TNFRSF21: variants seen among roughly 807,000 people sequenced by gnomAD.
TNFRSF21 encodes TNF receptor superfamily member 21, also known as tumor necrosis factor receptor superfamily member 21.
A neutral mutation model predicts 45.6 loss-of-function variants in TNFRSF21; 19 were observed. The ratio of observed to expected loss-of-function variants is 0.42; its 90% CI spans 0.29 to 0.61. The LOEUF (loss-of-function observed/expected upper bound fraction) is 0.61, where lower values mean the gene tolerates loss of function less well. TNFRSF21 is among the 20% of genes least tolerant of loss of function. The pLI is 0.23. For synonymous variants in TNFRSF21, 314 were observed against 335.5 expected, an observed-to-expected ratio of 0.94 and a Z score of 0.70; for missense variants, 737 against 851.5, an observed-to-expected ratio of 0.87 and a Z score of 1.67.
At chr6:47,305,426 G>C (rs1319983794) in intron 1 of TNFRSF21, among the ~76,000 whole-genome samples, 1 of 152,078 alleles carries the variant, frequency 6.6e-6, no homozygotes, top group Non-Finnish European at 1.5e-5. Context: ...TCACATTCTA[G>C]GATTGTAGAG....
At chr6:47,270,911 G>T (rs975537161) in intron 3 of TNFRSF21, among the ~76,000 whole-genome samples, 5 of 152,140 alleles carry the variant, frequency 3.3e-5, no homozygotes, top group African/African-American at 1.2e-4. Flanking sequence ...GGAAAATAGG[G>T]TATCAGTGAT....
intron 3 of TNFRSF21, among the ~76,000 whole-genome samples, chr6:47,272,328 G>A (rs1180705547): frequency 6.6e-6 from 1 of 152,184 alleles, no homozygotes; most frequent in Non-Finnish European, 1.5e-5. Context: ...TCAGACCACA[G>A]TGCAATTAAA....
rs1762637921 is a variant in TNFRSF21, at chr6:47,285,864, T to A, written c.748+80A>T. The A allele has an allele frequency of 3.4e-6, 5 of 1,459,214 alleles. No individual in the cohort carries two copies. The South Asian group carries it at 4.0e-5, about 12-fold the overall frequency. 90.4% of individuals were successfully genotyped at this position (1,459,214 alleles called of 1,614,324 possible). On this transcript the variant is annotated intron_variant, in intron 2 of 5. Coordinates refer to ENST00000296861, the MANE Select transcript of TNFRSF21 (RefSeq NM_014452.5). ...TGGAATACACGAAATGGAGAAAACA[T>A]CTTTGGTATAAGCCCACTCTTGGTA...
At chr6:47,269,485 C>T (rs1345174012) in intron 3 of TNFRSF21, among the ~76,000 whole-genome samples, 1 of 152,138 alleles carries the variant, frequency 6.6e-6, no homozygotes, top group Non-Finnish European at 1.5e-5. Flanking sequence ...CCTTGAGATT[C>T]CTTAAGGGTG....
chr6:47,290,852 T>G (rs1180135517), intron 1 of TNFRSF21, among the ~76,000 whole-genome samples: 3 of 152,164 alleles, frequency 2.0e-5, no homozygotes, highest in Non-Finnish European at 4.4e-5. Context: ...ACCTAATAGG[T>G]GTGTGCAAGA....
chr6:47,300,089 T>C (rs767848094), intron 1 of TNFRSF21, among the ~76,000 whole-genome samples: 2 of 152,128 alleles, frequency 1.3e-5, no homozygotes, highest in Non-Finnish European at 2.9e-5. Context: ...CCAACAACAA[T>C]AGAATGGCTC....
Position 47,286,419 on chromosome 6 carries a change from G to A in TNFRSF21, c.273C>T (p.Cys91=), listed in dbSNP as rs754441930. The part of the protein sequence containing the change: ...TNTSLRVCSS[C]PVGTFTRHEN... ...CATGCCTGGTAAAGGTCCCCACAGGGCAACTGCTGCAGACGCGCAGGCTTG... is the reference window on the plus strand; with the variant it reads ...CATGCCTGGTAAAGGTCCCCACAGGACAACTGCTGCAGACGCGCAGGCTTG... Residue 91 remains cysteine, a synonymous_variant, in exon 2 of 6, where the codon TGC becomes TGT. Coordinates refer to ENST00000296861, the MANE Select transcript of TNFRSF21 (RefSeq NM_014452.5). The A allele has an allele frequency of 1.9e-6, 3 of 1,614,174 alleles. No individual in the cohort carries two copies. In the East Asian group the frequency reaches 6.7e-5, roughly 36 times the overall value.
Position 47,309,551 on chromosome 6 carries a change from G to T in TNFRSF21, c.-40C>A, listed in dbSNP as rs1168171934. 4.0e-5 allele frequency: 56 copies of T among 1,396,750 alleles called. No homozygotes were observed. The highest frequency in any genetic ancestry group is 5.2e-5 in the Non-Finnish European group (56 of 1,085,164). The allele number at this position is 1,396,750 out of a possible 1,614,324, so 86.5% of individuals were successfully genotyped here. ...CTCGCAGGGGCGCCCGGGGCGCGCGGGGCAGCTGGAATCGGCGGCTGCTTC... is the reference window on the plus strand; with the variant it reads ...CTCGCAGGGGCGCCCGGGGCGCGCGTGGCAGCTGGAATCGGCGGCTGCTTC... On this transcript the variant is annotated 5_prime_UTR_variant, in exon 1 of 6. Transcript: ENST00000296861.
At chr6:47,265,378 T>A (rs1439894648) in intron 3 of TNFRSF21, among the ~76,000 whole-genome samples, 1 of 138,850 alleles carries the variant, frequency 7.2e-6, no homozygotes, top group Non-Finnish European at 1.6e-5. Context: ...AGTTTTTTTG[T>A]TTTGTTTTGT....
intron 3 of TNFRSF21, among the ~76,000 whole-genome samples, chr6:47,265,135 A>G (rs1424973229): frequency 6.6e-6 from 1 of 152,244 alleles, no homozygotes; most frequent in African/African-American, 2.4e-5. Flanking sequence ...GAAGGACTCC[A>G]TCACCTCTGA....
intron 3 of TNFRSF21, among the ~76,000 whole-genome samples, chr6:47,282,834 C>CA (rs1192211060): frequency 2.0e-5 from 3 of 152,054 alleles, no homozygotes; most frequent in Admixed American, 6.6e-5. Flanking sequence ...CATAATATTC[C>CA]ATTCTATGAA....
intron 5 of TNFRSF21, among the ~76,000 whole-genome samples, chr6:47,234,000 CT>C (rs760355455): frequency 1.3e-5 from 2 of 151,736 alleles, no homozygotes; most frequent in Non-Finnish European, 2.9e-5. Flanking sequence ...CTGTAGTTTT[CT>C]TTTTTTTGGG....
chr6:47,283,958 A>T lies in TNFRSF21; in HGVS notation c.1223T>A (p.Ile408Asn). 6.2e-7 allele frequency: 1 copy of T among 1,613,842 alleles called. No homozygotes were observed. Among genetic ancestry groups the T allele is most frequent in the Non-Finnish European group, 8.5e-7 (1 of 1,179,948 alleles). The change falls in exon 3 of 6, where the codon ATC becomes AAC. Residue 408 changes from isoleucine to asparagine, a missense_variant. By Grantham distance (149) the Ile-to-Asn change is moderately radical. Transcript: ENST00000296861. ...CTCACCATGGCCATTGCAGTAGTAGATCCATTTCTCCCGGTTCTGGGTTGG... is the reference window on the plus strand; with the variant it reads ...CTCACCATGGCCATTGCAGTAGTAGTTCCATTTCTCCCGGTTCTGGGTTGG... Reference protein sequence around the residue: ...MTPTQNREKWIYYCNGHGIDI... With the variant: ...MTPTQNREKWNYYCNGHGIDI...
intron 3 of TNFRSF21, among the ~76,000 whole-genome samples, chr6:47,264,058 A>C (rs1384652093): frequency 1.3e-5 from 2 of 152,178 alleles, no homozygotes; most frequent in Non-Finnish European, 2.9e-5. Flanking sequence ...CTTCTGCAAA[A>C]TCTGCTTACA....
intron 1 of TNFRSF21, among the ~76,000 whole-genome samples, chr6:47,290,289 A>G (rs1762705508): frequency 6.6e-6 from 1 of 152,148 alleles, no homozygotes; most frequent in Non-Finnish European, 1.5e-5. Flanking sequence ...GATCTAAGTC[A>G]GCCTCCCTAC....
intron 3 of TNFRSF21, among the ~76,000 whole-genome samples, chr6:47,267,203 A>AT (rs1762346190): frequency 1.3e-5 from 2 of 151,136 alleles, no homozygotes; most frequent in South Asian, 4.2e-4. Context: ...GGTTCCAGTG[A>AT]TTCTCCTGCC....
At chr6:47,245,111 G>T (rs979307091) in intron 4 of TNFRSF21, among the ~76,000 whole-genome samples, 1 of 152,094 alleles carries the variant, frequency 6.6e-6, no homozygotes, top group African/African-American at 2.4e-5. Flanking sequence ...GATTAAAGGG[G>T]TGGGAAATGT....
intron 4 of TNFRSF21, among the ~76,000 whole-genome samples, chr6:47,252,089 C>A (rs1764908693): frequency 6.6e-6 from 1 of 152,154 alleles, no homozygotes; most frequent in Admixed American, 6.5e-5. Context: ...TCAAGAATTA[C>A]TGCGCTATCA....
rs903735562 is a variant in TNFRSF21, at chr6:47,234,663, C to A, written c.1738+7G>T. On this transcript the variant is annotated splice_region_variant and intron_variant, in intron 5 of 5. Transcript: ENST00000296861. ...TGCGTGTGTGAGGTCTGCTGCGATGCCCGTACCTTTGGTAATAAAGGAACC... is the reference window on the plus strand; with the variant it reads ...TGCGTGTGTGAGGTCTGCTGCGATGACCGTACCTTTGGTAATAAAGGAACC... 3.0e-5 allele frequency: 48 copies of A among 1,600,540 alleles called. No individual in the cohort carries two copies. The highest frequency in any genetic ancestry group is 4.0e-5 in the Non-Finnish European group (47 of 1,173,222).
Sources: allele counts gnomAD v4.1 joint callset (sites outside exome capture counted in the v4.1 genomes callset), GRCh38; gene constraint gnomAD v4.1.1; transcripts MANE v1.5; gene names NCBI Gene and HGNC (gene_info 2026-07-23, HGNC 2026-07-21).